Variants in RAB31 observed in about 807,000 individuals in gnomAD.
The protein encoded by RAB31 is RAB31, member RAS oncogene family, also known as ras-related protein Rab-31.
A neutral mutation model predicts 25.6 loss-of-function variants in RAB31; 21 were observed. That is an observed-to-expected ratio of 0.82 (90% CI 0.58 to 1.18). The LOEUF (loss-of-function observed/expected upper bound fraction) is 1.18. RAB31 is among the 50% of genes most tolerant of loss of function. The pLI is 0.00. For missense variants in RAB31, 196 were observed against 250.1 expected (o/e 0.78, Z 1.46); for synonymous variants, 87 against 84.0 (o/e 1.04, Z -0.20).
chr18:9,790,797 T>C (rs1482994339), intron 2 of RAB31, among the ~76,000 whole-genome samples: 4 of 152,236 alleles, frequency 2.6e-5, no homozygotes, highest in African/African-American at 9.6e-5. Flanking sequence ...GAATGCTATA[T>C]AGGTGATGTA....
chr18:9,850,387 A>AG (rs2068783311), intron 6 of RAB31, among the ~76,000 whole-genome samples: 1 of 152,192 alleles, frequency 6.6e-6, no homozygotes, highest in Non-Finnish European at 1.5e-5. Context: ...GGCTTCCCAA[A>AG]GTGCTGGGAT....
chr18:9,838,352 A>G (rs2159637), intron 5 of RAB31, among the ~76,000 whole-genome samples: 57,036 of 152,090 alleles, frequency 0.38, 12,984 homozygotes, highest in East Asian at 0.84. Context: ...CCCATAGTCA[A>G]GACGCCTGAG....
chr18:9,845,787 T>C (rs2068758877), intron 6 of RAB31, 96 bp downstream of exon 6: 2 of 1,418,466 alleles, frequency 1.4e-6, no homozygotes, highest in African/African-American at 2.9e-5. Context: ...GAACTTTTCC[T>C]CTGTGTGAAT....
At chr18:9,752,400 T>C (rs2068239684) in intron 1 of RAB31, among the ~76,000 whole-genome samples, 1 of 152,078 alleles carries the variant, frequency 6.6e-6, no homozygotes, top group African/African-American at 2.4e-5. Flanking sequence ...AAGTTTTGTA[T>C]TTTTAGTAGG....
chr18:9,795,407 C>T (rs2068482150), intron 3 of RAB31, among the ~76,000 whole-genome samples: 2 of 152,200 alleles, frequency 1.3e-5, no homozygotes, highest in African/African-American at 2.4e-5. Context: ...AACTAAAAAG[C>T]TTCTGCACAG....
At chr18:9,726,893 C>T (rs902722758) in intron 1 of RAB31, among the ~76,000 whole-genome samples, 1 of 152,080 alleles carries the variant, frequency 6.6e-6, no homozygotes, top group African/African-American at 2.4e-5. Flanking sequence ...CAGAAGCCCA[C>T]CCTGTTCCCC....
chr18:9,788,013 T>C (rs1208308840), intron 2 of RAB31, among the ~76,000 whole-genome samples: 1 of 152,260 alleles, frequency 6.6e-6, no homozygotes, highest in East Asian at 1.9e-4. Flanking sequence ...CATGACATGA[T>C]ATCTATCAAA....
chr18:9,792,169 C>G lies in RAB31; in HGVS notation c.135C>G (p.Thr45=). 6.2e-7 allele frequency: 1 copy of G among 1,611,172 alleles called. No individual in the cohort carries two copies. The highest frequency in any genetic ancestry group is 8.5e-7 in the Non-Finnish European group (1 of 1,178,600). ...ISPTIGASFM[T]KTVPCGNELH... Reference sequence around the variant, plus strand: ...CTTTTTTCAGGGCATCTTTTATGACCAAAACTGTGCCTTGTGGAAATGAAC... The same window carrying G: ...CTTTTTTCAGGGCATCTTTTATGACGAAAACTGTGCCTTGTGGAAATGAAC... Residue 45 remains threonine (T), a synonymous_variant, in exon 3 of 7, where the codon ACC becomes ACG. Coordinates refer to ENST00000578921, the MANE Select transcript of RAB31 (RefSeq NM_006868.4).
At chr18:9,742,090 G>A (rs2145472596) in intron 1 of RAB31, among the ~76,000 whole-genome samples, 1 of 152,346 alleles carries the variant, frequency 6.6e-6, no homozygotes, top group East Asian at 1.9e-4. Context: ...TCTTGGGGAA[G>A]ACCACCCGGC....
intron 1 of RAB31, among the ~76,000 whole-genome samples, chr18:9,772,527 A>G (rs939336545): frequency 9.2e-5 from 14 of 152,130 alleles, no homozygotes; most frequent in African/African-American, 2.9e-4. Flanking sequence ...CTCCCCGCCA[A>G]TGGGGTCTAG....
chr18:9,828,998 CAGG>C (rs2068663931), intron 5 of RAB31, among the ~76,000 whole-genome samples: 2 of 152,276 alleles, frequency 1.3e-5, no homozygotes, highest in Non-Finnish European at 2.9e-5. Flanking sequence ...GCTGCTGTCA[CAGG>C]AGGAGGGAGG....
intron 5 of RAB31, among the ~76,000 whole-genome samples, chr18:9,819,985 A>G (rs2068617152): frequency 6.6e-6 from 1 of 152,066 alleles, no homozygotes; most frequent in South Asian, 2.1e-4. Flanking sequence ...TCTATATACA[A>G]GATTATATTA....
At position 9,842,480 on chromosome 18, in the gene RAB31, C is replaced by T. The variant is rs147768726; in HGVS notation, c.381-3102C>T. On this transcript the variant is annotated intron_variant, in intron 5 of 6. Transcript: ENST00000578921. Reference sequence around the variant, plus strand: ...CTGTGCCGGGAACCAGGGCAAAGACCGAATCTGTATTTTTTTATTATGCCA... The same window carrying T: ...CTGTGCCGGGAACCAGGGCAAAGACTGAATCTGTATTTTTTTATTATGCCA... Among the ~76,000 whole-genome samples the T allele has an allele frequency of 8.7e-3, 1,331 of 152,196 alleles. 4 individuals are homozygous for T. Among genetic ancestry groups the T allele is most frequent in the Non-Finnish European group, 0.013 (889 of 68,008 alleles).
At position 9,862,488 on chromosome 18, in the gene RAB31, A is replaced by G. The variant is rs767307660; in HGVS notation, c.*3163A>G. On this transcript the variant is annotated 3_prime_UTR_variant, in exon 7 of 7. Transcript: ENST00000578921. ...TAAAGCATTTCCATCAACAATGCCT[A>G]ATTGTATCTGTTATTTTTGGTTTAA... 1 of 152,216 alleles carries G rather than the reference A, an allele frequency of 6.6e-6. No homozygotes were observed. The highest frequency in any genetic ancestry group is 1.5e-5 in the Non-Finnish European group (1 of 68,030). 9.4% of individuals were successfully genotyped at this position (152,216 alleles called of 1,614,324 possible).
intron 3 of RAB31, among the ~76,000 whole-genome samples, chr18:9,796,941 CAT>C (rs2143039615): frequency 6.6e-6 from 1 of 152,264 alleles, no homozygotes; most frequent in East Asian, 1.9e-4. Flanking sequence ...AAATAAAACA[CAT>C]TTTCTTAAAA....
chr18:9,727,502 A>G lies in RAB31; in HGVS notation c.39+19058A>G, dbSNP rs547548065. 5.3e-4 allele frequency among the ~76,000 whole-genome samples: 81 copies of G among 152,176 alleles called. 1 individual carries two copies. Among genetic ancestry groups the G allele is most frequent in the African/African-American group, 1.8e-3 (75 of 41,524 alleles). ...GCTAATTTTTAAATTTTTTGTAGAG[A>G]CAGTGTTCTCGTTATGTTGTCGAGG... On this transcript the variant is annotated intron_variant, in intron 1 of 6. Transcript: ENST00000578921.
intron 1 of RAB31, among the ~76,000 whole-genome samples, chr18:9,739,765 C>T (rs1050121985): frequency 1.3e-5 from 2 of 152,160 alleles, no homozygotes; most frequent in Non-Finnish European, 2.9e-5. Context: ...ATTGTATACT[C>T]TCCTGTCCTG....
At chr18:9,850,677 T>G (rs574506315) in intron 6 of RAB31, among the ~76,000 whole-genome samples, 88 of 152,210 alleles carry the variant, frequency 5.8e-4, no homozygotes, top group African/African-American at 2.1e-3. Context: ...TTGTTGTTAG[T>G]TTGAGAGCAA....
intron 5 of RAB31, among the ~76,000 whole-genome samples, chr18:9,842,821 C>T (rs944509914): frequency 6.6e-5 from 10 of 152,256 alleles, no homozygotes; most frequent in Admixed American, 5.2e-4. Context: ...CCTGTCTCAC[C>T]TCTCATTAGG....
Sources: allele counts gnomAD v4.1 joint callset (sites outside exome capture counted in the v4.1 genomes callset), GRCh38; gene constraint gnomAD v4.1.1; transcripts MANE v1.5; gene names NCBI Gene and HGNC (gene_info 2026-07-23, HGNC 2026-07-21).